Variants in PRKCE observed in about 807,000 individuals in gnomAD.
PRKCE encodes the protein protein kinase C epsilon.
In PRKCE, 16 loss-of-function variants were observed where a neutral mutation model predicts 85.4. The ratio of observed to expected loss-of-function variants is 0.19; its 90% CI spans 0.13 to 0.28. PRKCE has a LOEUF of 0.28. Ranked by LOEUF, PRKCE falls within the 10% of genes least tolerant of loss-of-function variation. PRKCE has a pLI of 1.00. For missense variants in PRKCE, 573 were observed against 975.2 expected (o/e 0.59, Z 5.49); for synonymous variants, 388 against 371.5 (o/e 1.04, Z -0.51).
intron 10 of PRKCE, among the ~76,000 whole-genome samples, chr2:46,043,167 G>A (rs186179820): frequency 6.6e-6 from 1 of 151,754 alleles, no homozygotes; most frequent in Admixed American, 6.6e-5. Flanking sequence ...CCAAAGTCAT[G>A]TTAAATAAAA....
intron 10 of PRKCE, among the ~76,000 whole-genome samples, chr2:46,076,943 A>T (rs1371293661): frequency 2.0e-5 from 3 of 152,328 alleles, no homozygotes; most frequent in African/African-American, 7.2e-5. Flanking sequence ...AAATAGTCGA[A>T]CTCATAGAAG....
intron 5 of PRKCE, among the ~76,000 whole-genome samples, chr2:45,983,408 G>A (rs1703050140): frequency 6.6e-6 from 1 of 152,164 alleles, no homozygotes; most frequent in South Asian, 2.1e-4. Flanking sequence ...GATGTCCTGG[G>A]TGATGGTCTC....
chr2:45,691,385 C>G (rs1274135737), intron 1 of PRKCE, among the ~76,000 whole-genome samples: 1 of 152,208 alleles, frequency 6.6e-6, no homozygotes, highest in African/African-American at 2.4e-5. Flanking sequence ...CTGGTGGACA[C>G]CAGCAGACTG....
intron 10 of PRKCE, among the ~76,000 whole-genome samples, chr2:46,081,616 G>C (rs1170800739): frequency 6.6e-6 from 1 of 152,228 alleles, no homozygotes; most frequent in Admixed American, 6.5e-5. Flanking sequence ...GTTGTGCTGA[G>C]ATCTGAAGGG....
intron 2 of PRKCE, among the ~76,000 whole-genome samples, chr2:45,953,765 T>A (rs1182568297): frequency 6.6e-6 from 1 of 152,218 alleles, no homozygotes; most frequent in African/African-American, 2.4e-5. Flanking sequence ...GATTCAGTTG[T>A]CTGTGGTGGG....
rs879945343 is a variant in PRKCE at position 45,697,081 on chromosome 2, T to C, written c.348+44633T>C. On this transcript the variant is annotated intron_variant, in intron 1 of 14. Coordinates refer to ENST00000306156, the MANE Select transcript of PRKCE (RefSeq NM_005400.3). The surrounding 1 kb of genome is among the most constrained non-coding windows in gnomAD (Gnocchi z 4.2). The stretch of plus-strand genomic sequence containing the variant: ...GTGACTACATTAATGTCCATGGTAA[T>C]ATTAAAGATTATCCCCTGATTGGAA... 6.6e-6 allele frequency among the ~76,000 whole-genome samples: 1 copy of C among 152,244 alleles called. No homozygotes were observed. Among genetic ancestry groups the C allele is most frequent in the Non-Finnish European group, 1.5e-5 (1 of 68,040 alleles).
chr2:45,672,064 CAAAAA>C (rs3068989), intron 1 of PRKCE, among the ~76,000 whole-genome samples: 6 of 95,374 alleles, frequency 6.3e-5, no homozygotes, highest in Non-Finnish European at 8.5e-5. Flanking sequence ...CCCCCTGTCT[CAAAAA>C]AAAAAAAAAA....
intron 1 of PRKCE, among the ~76,000 whole-genome samples, chr2:45,810,016 C>A (rs918120811): frequency 1.3e-5 from 2 of 151,568 alleles, no homozygotes; most frequent in Admixed American, 6.6e-5. Context: ...CTATTCCAGG[C>A]AGCAGGATAG....
chr2:46,045,009 A>G (rs1708433603), intron 10 of PRKCE, among the ~76,000 whole-genome samples: 1 of 152,254 alleles, frequency 6.6e-6, no homozygotes, highest in Admixed American at 6.5e-5. Context: ...ACATAAAACC[A>G]TATATGCTAT....
chr2:45,653,002 C>T (rs1174563047), intron 1 of PRKCE, among the ~76,000 whole-genome samples: 2 of 152,114 alleles, frequency 1.3e-5, no homozygotes, highest in Non-Finnish European at 2.9e-5. Context: ...ATGTGTTCTC[C>T]TCCAGGATGT....
intron 10 of PRKCE, among the ~76,000 whole-genome samples, chr2:46,013,477 G>A (rs758925996): frequency 3.9e-5 from 6 of 152,208 alleles, no homozygotes; most frequent in East Asian, 1.9e-4. Flanking sequence ...GAAGAAGTGC[G>A]ATCAAGCCAG....
intron 1 of PRKCE, among the ~76,000 whole-genome samples, chr2:45,763,625 A>G (rs185642215): frequency 1.2e-3 from 188 of 152,032 alleles, no homozygotes; most frequent in Non-Finnish European, 2.1e-3. Context: ...TGATTCTGCA[A>G]TCTCCCTTGG....
At chr2:45,913,415 G>C (rs1020186398) in intron 2 of PRKCE, among the ~76,000 whole-genome samples, 1 of 152,234 alleles carries the variant, frequency 6.6e-6, no homozygotes, top group Non-Finnish European at 1.5e-5. Flanking sequence ...CTCCCAGAGT[G>C]CTTGGATTAT....
At chr2:45,695,224 C>A (rs778536759) in intron 1 of PRKCE, among the ~76,000 whole-genome samples, 1 of 152,142 alleles carries the variant, frequency 6.6e-6, no homozygotes, top group Non-Finnish European at 1.5e-5. Flanking sequence ...TGGTCTCTTC[C>A]CCTTAGCCTC....
At chr2:45,992,566 G>A (rs1321081796) in intron 6 of PRKCE, among the ~76,000 whole-genome samples, 1 of 152,146 alleles carries the variant, frequency 6.6e-6, no homozygotes, top group Non-Finnish European at 1.5e-5. Context: ...TCTGAGCTTG[G>A]CATGACTGGA....
At position 46,147,932 on chromosome 2, in the gene PRKCE, T is replaced by G. The variant is rs535854066; in HGVS notation, c.1731+2701T>G. 1.7e-4 allele frequency among the ~76,000 whole-genome samples: 26 copies of G among 152,340 alleles called. 1 individual carries two copies. The highest frequency in any genetic ancestry group is 6.8e-3 in the Middle Eastern group (2 of 294). The stretch of plus-strand genomic sequence containing the variant: ...TCATCTTTCACATGGGAGCCATAAC[T>G]CCTTCCCTACCTACCTCATCAAGCT... On this transcript the variant is annotated intron_variant, in intron 12 of 14. Coordinates refer to ENST00000306156, the MANE Select transcript of PRKCE (RefSeq NM_005400.3).
intron 1 of PRKCE, among the ~76,000 whole-genome samples, chr2:45,662,466 G>T (rs529261128): frequency 2.4e-4 from 37 of 152,028 alleles, no homozygotes; most frequent in African/African-American, 8.7e-4. Flanking sequence ...GAAATGTATT[G>T]AATAGGGGAG....
At chr2:45,780,326 A>G (rs1265704011) in intron 1 of PRKCE, among the ~76,000 whole-genome samples, 1 of 152,150 alleles carries the variant, frequency 6.6e-6, no homozygotes, top group Non-Finnish European at 1.5e-5. Context: ...TTTTTGTTGA[A>G]GAAACTAGTC....
At chr2:45,989,910 C>T (rs1703654045) in intron 6 of PRKCE, among the ~76,000 whole-genome samples, 1 of 152,160 alleles carries the variant, frequency 6.6e-6, no homozygotes, top group African/African-American at 2.4e-5. Context: ...TATTCTCTTT[C>T]CACTTTCATC....
Sources: gnomAD v4.1 joint callset for allele counts (sites outside exome capture counted in the v4.1 genomes callset) on GRCh38, gnomAD v4.1.1 for gene constraint, Gnocchi (gnomAD v3.1) non-coding constraint, MANE v1.5 for transcripts, NCBI Gene and HGNC (gene_info 2026-07-23, HGNC 2026-07-21) for gene names.